Variants in LZTS3 observed in about 807,000 individuals in gnomAD.
LZTS3 encodes the protein leucine zipper tumor suppressor family member 3, also known as leucine zipper putative tumor suppressor 3.
In LZTS3, 16 loss-of-function variants were observed where a neutral mutation model predicts 50.9. The ratio of observed to expected loss-of-function variants is 0.31; its 90% confidence interval spans 0.21 to 0.48. The LOEUF (loss-of-function observed/expected upper bound fraction) is 0.48. Ranked by LOEUF, LZTS3 falls within the 20% of genes least tolerant of loss-of-function variation. The pLI is 0.99. For missense variants in LZTS3, 816 were observed against 931.0 expected (o/e 0.88, Z 1.61); for synonymous variants, 408 against 410.6 (o/e 0.99, Z 0.08).
In LZTS3 at chr20:3,164,769, C is replaced by T. The variant is rs1394660269; in HGVS notation, c.1707G>A (p.Gly569=). The change falls in exon 5 of 5, where the codon GGG becomes GGA. Residue 569 remains glycine (G), a synonymous_variant. Coordinates refer to ENST00000337576, the MANE Select transcript of LZTS3 (RefSeq NM_001365618.1). The stretch of plus-strand genomic sequence containing the variant: ...CCACCTCCCGCCGCAGGGCCCGCGT[C>T]CCGCTCTCCCCGCCAGCCTCCGCCT... ...DGEAEAGGES[G]TRALRREVGR... 2.0e-6 allele frequency: 3 copies of T among 1,523,982 alleles called. No homozygotes were observed. The highest frequency in any genetic ancestry group is 2.5e-5 in the East Asian group (1 of 39,306). 94.4% of individuals were successfully genotyped at this position (1,523,982 alleles called of 1,614,324 possible). A position where few individuals can be genotyped will look rare whatever the true frequency, so the allele number is the denominator to read the frequency against.
chr20:3,169,089 C>T (rs2066871787), intron 1 of LZTS3, among the ~76,000 whole-genome samples: 1 of 152,048 alleles, frequency 6.6e-6, no homozygotes, highest in Admixed American at 6.6e-5. Context: ...CCCGTCTGTC[C>T]CCATAAGCAA....
Position 3,165,183 on chromosome 20 carries a change from G to C in LZTS3, c.1324-31C>G. 4.0e-6 allele frequency: 6 copies of C among 1,488,666 alleles called. No homozygotes were observed. Among genetic ancestry groups the C allele is most frequent in the Non-Finnish European group, 5.4e-6 (6 of 1,116,140 alleles). 92.2% of individuals were successfully genotyped at this position (1,488,666 alleles called of 1,614,324 possible). A position where few individuals can be genotyped will look rare whatever the true frequency, so the allele number is the denominator to read the frequency against. ...CAGGAACAGGTGAGAGGAGAAGCCA[G>C]GTAAAGGCAGAGCTCTGCTCACCCC... On this transcript the variant is annotated intron_variant, in intron 4 of 4. Coordinates refer to ENST00000337576, the MANE Select transcript of LZTS3 (RefSeq NM_001365618.1). The surrounding 1 kb of genome is among the most constrained non-coding windows in gnomAD (Gnocchi z 5.0).
intron 1 of LZTS3, among the ~76,000 whole-genome samples, chr20:3,168,735 T>A (rs544491745): frequency 6.6e-6 from 1 of 152,222 alleles, no homozygotes; most frequent in South Asian, 2.1e-4. Flanking sequence ...GTGTGGGAAA[T>A]GGGAGAGGGC....
At position 3,167,759 on chromosome 20, in the gene LZTS3, G is replaced by C; in HGVS notation, c.-40C>G. 1.0e-6 allele frequency: 1 copy of C among 985,600 alleles called. No individual in the cohort carries two copies. Among genetic ancestry groups the C allele is most frequent in the South Asian group, 4.7e-5 (1 of 21,296 alleles). 61.1% of individuals were successfully genotyped at this position (985,600 alleles called of 1,614,324 possible). On this transcript the variant is annotated 5_prime_UTR_variant, in exon 2 of 5. Transcript: ENST00000337576. ...TAACCTAAGTGTTGCAGTCAGGGCA[G>C]AAGTGGAAGCTCACTACCAGCGCAG... is the stretch of plus-strand genomic sequence containing the variant.
In LZTS3 at chr20:3,166,253, T is replaced by C. The variant is rs751092106; in HGVS notation, c.567A>G (p.Gly189=). The change falls in exon 4 of 5, where the codon GGA becomes GGG. Residue 189 remains glycine (G), a synonymous_variant. Transcript: ENST00000337576. ...CTTTGAGGCCACCAGGGCCCTGCCGTCCCTCAGGAGTCCCATTGGTCTGCG... is the reference window on the plus strand; with the variant it reads ...CTTTGAGGCCACCAGGGCCCTGCCGCCCCTCAGGAGTCCCATTGGTCTGCG... The part of the protein sequence containing the change: ...CPPQTNGTPE[G]RQGPGGLKGG... 80 of 1,613,796 alleles carry C rather than the reference T, an allele frequency of 5.0e-5. No individual in the cohort carries two copies. In the South Asian group the frequency reaches 5.7e-4, roughly 12 times the overall value.
chr20:3,168,786 G>A (rs2066867285), intron 1 of LZTS3, among the ~76,000 whole-genome samples: 1 of 152,190 alleles, frequency 6.6e-6, no homozygotes, highest in Non-Finnish European at 1.5e-5. Context: ...CATAAACCAG[G>A]CAGGGAGCCC....
chr20:3,166,314 G>T lies in LZTS3; in HGVS notation c.506C>A (p.Pro169His). 6.2e-7 allele frequency: 1 copy of T among 1,613,908 alleles called. No homozygotes were observed. Among genetic ancestry groups the T allele is most frequent in the Non-Finnish European group, 8.5e-7 (1 of 1,179,904 alleles). The change falls in exon 4 of 5, where the codon CCC (proline) becomes CAC (histidine). Residue 169 changes from proline (P) to histidine (H), a missense_variant. Pro to His is a moderately conservative substitution (Grantham distance 77, BLOSUM62 -2). This residue lies in a region of LZTS3 where 700 missense variants were observed against 769.4 expected (regional missense o/e 0.91). Coordinates refer to ENST00000337576, the MANE Select transcript of LZTS3 (RefSeq NM_001365618.1). Reference protein sequence around the residue: ...VRPSAFKPVVPKNFHSMQNLC... With the variant: ...VRPSAFKPVVHKNFHSMQNLC... ...ATTCTGCATGGAGTGGAAATTCTTG[G>T]GTACGACAGGCTTGAAGGCCGACGG...
chr20:3,164,842 C>A lies in LZTS3; in HGVS notation c.1634G>T (p.Arg545Leu). 6.4e-7 allele frequency: 1 copy of A among 1,552,702 alleles called. No homozygotes were observed. The highest frequency in any genetic ancestry group is 2.3e-5 in the East Asian group (1 of 42,580). ...TCESDEAKMR[R>L]QAGVAAAASL... ...GGCGGCAGCGGCCACCCCGGCCTGA[C>A]GGCGCATCTTAGCCTCGTCGCTCTC... is the stretch of plus-strand genomic sequence containing the variant. The change falls in exon 5 of 5, where the codon CGT (arginine) becomes CTT (leucine). Residue 545 changes from arginine (R) to leucine (L), a missense_variant. Arg to Leu is a moderately radical substitution (Grantham distance 102). Around this residue, in one of 3 missense-constraint regions of LZTS3, gnomAD observed 700 missense variants for 769.4 expected, o/e 0.91. Coordinates refer to ENST00000337576, the MANE Select transcript of LZTS3 (RefSeq NM_001365618.1).
rs1453387113 is a variant in LZTS3, at chr20:3,165,399, C to T, written c.1323+98G>A. On this transcript the variant is annotated intron_variant, in intron 4 of 4. Coordinates refer to ENST00000337576, the MANE Select transcript of LZTS3 (RefSeq NM_001365618.1). This position sits in a 1 kb window ranked among gnomAD's most constrained non-coding sequence, Gnocchi z 5.0. ...TCCCCCCTGCTCCTTTCATCCCCCC[C>T]CCCATCCCACCGTTATGATAGTGAG... The T allele has an allele frequency of 4.7e-6, 6 of 1,270,522 alleles. No homozygotes were observed. The highest frequency in any genetic ancestry group is 3.2e-5 in the African/African-American group (2 of 61,836). The allele number at this position is 1,270,522 out of a possible 1,614,324, so 78.7% of individuals were successfully genotyped here. A position where few individuals can be genotyped will look rare whatever the true frequency, so the allele number is the denominator to read the frequency against.
intron 1 of LZTS3, among the ~76,000 whole-genome samples, chr20:3,172,637 A>G (rs2066914089): frequency 6.6e-6 from 1 of 152,212 alleles, no homozygotes; most frequent in Admixed American, 6.5e-5. Context: ...AGGCCTCCCC[A>G]GGGCTGGCCT....
intron 1 of LZTS3, among the ~76,000 whole-genome samples, chr20:3,169,276 C>A (rs974608278): frequency 1.3e-5 from 2 of 152,196 alleles, no homozygotes; most frequent in Non-Finnish European, 2.9e-5. Context: ...CCCCCTATGC[C>A]TCAGCCCTGC....
In LZTS3 at chr20:3,164,564, G is replaced by A; in HGVS notation, c.1912C>T (p.Arg638Trp). ...GCACCCCCTGCGGCCCCGCGCTCCC[G>A]CAGCCTGCGCTCCAGCTGCTGGTTG... ...QRNQQLERRLRERGAAGGAST... is the reference protein window; with the variant it reads ...QRNQQLERRLWERGAAGGAST... Residue 638 changes from arginine to tryptophan, a missense_variant, in exon 5 of 5, where the codon CGG becomes TGG. By Grantham distance (101) the Arg-to-Trp change is moderately radical. This residue lies in a region of LZTS3 where 107 missense variants were observed against 130.4 expected (regional missense o/e 0.82). Transcript: ENST00000337576. 1 of 1,609,784 alleles carries A rather than the reference G, an allele frequency of 6.2e-7. No homozygotes were observed. The highest frequency in any genetic ancestry group is 8.5e-7 in the Non-Finnish European group (1 of 1,178,150).
At chr20:3,167,550 A>G in intron 2 of LZTS3, 188 bp downstream of exon 2, 1 of 1,027,368 alleles carries the variant, frequency 9.7e-7, no homozygotes, top group Non-Finnish European at 1.2e-6. Context: ...CTGCAACCCC[A>G]GAATTTTGGG....
intron 1 of LZTS3, among the ~76,000 whole-genome samples, chr20:3,170,584 A>C (rs2066892549): frequency 6.6e-6 from 1 of 151,364 alleles, no homozygotes; most frequent in East Asian, 1.9e-4. Context: ...TAAGATCAGG[A>C]GTTCGAGACC....
intron 1 of LZTS3, among the ~76,000 whole-genome samples, chr20:3,169,768 C>T (rs1462250685): frequency 1.3e-5 from 2 of 151,384 alleles, no homozygotes; most frequent in African/African-American, 2.4e-5. Flanking sequence ...ATCCCAGCTA[C>T]TTGGGAGGCT....
At chr20:3,166,645 T>C (rs2066825893) in intron 3 of LZTS3, 60 bp downstream of exon 3, 5 of 1,572,048 alleles carry the variant, frequency 3.2e-6, no homozygotes, top group Non-Finnish European at 3.5e-6. Flanking sequence ...TGCCTTCCTC[T>C]CTGGGTTGCC....
Position 3,165,394 on chromosome 20 carries a change from C to CTG in LZTS3, c.1323+102_1323+103insCA. ...TTTTGTCCCCCCTGCTCCTTTCATC[C>CTG]CCCCCCCCATCCCACCGTTATGATA... On this transcript the variant is annotated intron_variant, in intron 4 of 4. Transcript: ENST00000337576. This position sits in a 1 kb window ranked among gnomAD's most constrained non-coding sequence, Gnocchi z 5.0. The CTG allele has an allele frequency of 1.0e-6, 1 of 980,970 alleles. No homozygotes were observed. The highest frequency in any genetic ancestry group is 1.4e-6 in the Non-Finnish European group (1 of 705,504). The allele number at this position is 980,970 out of a possible 1,614,324, so 60.8% of individuals were successfully genotyped here. A position where few individuals can be genotyped will look rare whatever the true frequency, so the allele number is the denominator to read the frequency against.
rs2066773501 is a variant in LZTS3, at chr20:3,164,386, G to A, written c.*68C>T. 3 of 1,442,564 alleles carry A rather than the reference G, an allele frequency of 2.1e-6. No individual in the cohort carries two copies. The highest frequency in any genetic ancestry group is 2.5e-5 in the Admixed American group (1 of 40,734). 89.4% of individuals were successfully genotyped at this position (1,442,564 alleles called of 1,614,324 possible). On this transcript the variant is annotated 3_prime_UTR_variant, in exon 5 of 5. Transcript: ENST00000337576. ...GGGTCTATGGGGAAGAGAGATGGAGGGGAGGGGACACTGGGGACTCTGGCC... is the reference window on the plus strand; with the variant it reads ...GGGTCTATGGGGAAGAGAGATGGAGAGGAGGGGACACTGGGGACTCTGGCC...
Position 3,165,473 on chromosome 20 carries a change from G to A in LZTS3, c.1323+24C>T. The A allele has an allele frequency of 6.6e-7, 1 of 1,515,012 alleles. No homozygotes were observed. The highest frequency in any genetic ancestry group is 8.8e-7 in the Non-Finnish European group (1 of 1,138,020). The allele number at this position is 1,515,012 out of a possible 1,614,324, so 93.8% of individuals were successfully genotyped here. On this transcript the variant is annotated intron_variant, in intron 4 of 4. Coordinates refer to ENST00000337576, the MANE Select transcript of LZTS3 (RefSeq NM_001365618.1). This position sits in a 1 kb window ranked among gnomAD's most constrained non-coding sequence, Gnocchi z 5.0. ...AGAGGGACAGAAGGGAGGCAGAGGG[G>A]AGGCCCAGATCCCCAGCCCGCACCT...
Sources: gnomAD v4.1 joint callset for allele counts (sites outside exome capture counted in the v4.1 genomes callset) on GRCh38, gnomAD v4.1.1 for gene constraint, gnomAD v4.1.1 regional missense constraint, Gnocchi (gnomAD v3.1) non-coding constraint, MANE v1.5 for transcripts, NCBI Gene and HGNC (gene_info 2026-07-23, HGNC 2026-07-21) for gene names.